Variants in FAF2 observed in about 807,000 individuals in gnomAD.
FAF2 encodes Fas associated factor family member 2, also known as FAS-associated factor 2.
In FAF2, 9 loss-of-function variants were observed where a neutral mutation model predicts 62.3. The ratio of observed to expected loss-of-function variants is 0.14; its 90% CI spans 0.09 to 0.25. The LOEUF (loss-of-function observed/expected upper bound fraction) is 0.25, where lower values mean the gene tolerates loss of function less well. FAF2 is among the 10% of genes least tolerant of loss of function. FAF2 has a pLI of 1.00. For missense variants in FAF2, 368 were observed against 556.2 expected (o/e 0.66, Z 3.40); for synonymous variants, 202 against 198.0 (o/e 1.02, Z -0.17).
intron 1 of FAF2, among the ~76,000 whole-genome samples, chr5:176,462,316 C>T (rs2113720396): frequency 6.6e-6 from 1 of 151,996 alleles, no homozygotes; most frequent in South Asian, 2.1e-4. Context: ...AAAACACATA[C>T]TATAGTGCTT....
chr5:176,465,366 C>CTTT (rs70991554), intron 1 of FAF2, among the ~76,000 whole-genome samples: 15 of 115,694 alleles, frequency 1.3e-4, no homozygotes, highest in African/African-American at 4.1e-4. Context: ...CTTTTTCTTT[C>CTTT]TTTTTTTTTT....
intron 1 of FAF2, among the ~76,000 whole-genome samples, chr5:176,475,700 G>A (rs1056234008): frequency 5.3e-5 from 8 of 151,972 alleles, no homozygotes; most frequent in Admixed American, 2.6e-4. Context: ...CCCAGGAGGC[G>A]CAGGTTGCAG....
At chr5:176,463,619 C>T (rs969926672) in intron 1 of FAF2, among the ~76,000 whole-genome samples, 3 of 151,898 alleles carry the variant, frequency 2.0e-5, no homozygotes, top group Middle Eastern at 3.4e-3. Flanking sequence ...AGGAACTAAG[C>T]ACTATTTTTA....
chr5:176,451,171 G>T (rs1758159768), intron 1 of FAF2, among the ~76,000 whole-genome samples: 1 of 152,142 alleles, frequency 6.6e-6, no homozygotes, highest in Non-Finnish European at 1.5e-5. Context: ...AGGAGTTCGA[G>T]ACCAGCCTGG....
At chr5:176,469,115 T>C (rs1472900713) in intron 1 of FAF2, among the ~76,000 whole-genome samples, 2 of 151,380 alleles carry the variant, frequency 1.3e-5, no homozygotes, top group Non-Finnish European at 2.9e-5. Flanking sequence ...CGTGGTAGCA[T>C]GTGCCTGTAA....
At position 176,486,471 on chromosome 5, in the gene FAF2, C is replaced by T. The variant is rs1480358646; in HGVS notation, c.249C>T (p.Val83=). 6.2e-7 allele frequency: 1 copy of T among 1,613,948 alleles called. No homozygotes were observed. The highest frequency in any genetic ancestry group is 1.3e-5 in the African/African-American group (1 of 74,922). ...ACCACAGGATCTACAGCTATGTTGT[C>T]TCAAGACCTCAACCAAGGGCAAGTT... ...TADHRIYSYV[V]SRPQPRGLLG... Residue 83 remains valine, a synonymous_variant, in exon 3 of 11, where the codon GTC becomes GTT. Transcript: ENST00000261942.
Position 176,448,401 on chromosome 5 carries a change from C to A in FAF2, c.-7C>A, listed in dbSNP as rs200372261. 1.1e-5 allele frequency: 17 copies of A among 1,604,444 alleles called. No individual in the cohort carries two copies. The East Asian group carries it at 3.4e-4, about 32-fold the overall frequency. On this transcript the variant is annotated 5_prime_UTR_variant, in exon 1 of 11. Transcript: ENST00000261942. ...GGACGGGTCAGGAGCGTAGAGGCGG[C>A]GGCAAAATGGCGGCGCCTGAGGAGC...
rs777915445 is a variant in FAF2, at chr5:176,507,156, C to T, written c.*206C>T. On this transcript the variant is annotated 3_prime_UTR_variant, in exon 11 of 11. Coordinates refer to ENST00000261942, the MANE Select transcript of FAF2 (RefSeq NM_014613.3). ...CCGTAAGAGTCACAACCTGTGTGTG[C>T]GCGCAAGGTTAGCAACAAACGTACC... The T allele has an allele frequency of 1.4e-5, 5 of 356,080 alleles. No individual in the cohort carries two copies. Among genetic ancestry groups the T allele is most frequent in the East Asian group, 1.5e-4 (2 of 13,328 alleles). 22.1% of individuals were successfully genotyped at this position (356,080 alleles called of 1,614,324 possible).
At chr5:176,458,296 G>A (rs966498829) in intron 1 of FAF2, among the ~76,000 whole-genome samples, 1 of 151,708 alleles carries the variant, frequency 6.6e-6, no homozygotes, top group Non-Finnish European at 1.5e-5. Context: ...TGGCCAGGCT[G>A]GTATTGAACT....
intron 1 of FAF2, among the ~76,000 whole-genome samples, chr5:176,450,697 G>A (rs1002799160): frequency 6.6e-6 from 1 of 152,130 alleles, no homozygotes; most frequent in Non-Finnish European, 1.5e-5. Context: ...GGGACTACAG[G>A]CACGCGCCAC....
chr5:176,473,583 TG>T (rs2113728647), intron 1 of FAF2, among the ~76,000 whole-genome samples: 1 of 152,350 alleles, frequency 6.6e-6, no homozygotes, highest in South Asian at 2.1e-4. Context: ...TGAAAAGTTA[TG>T]TTCTACTTCC....
At chr5:176,491,044 T>G (rs1389432983) in intron 4 of FAF2, among the ~76,000 whole-genome samples, 2 of 152,196 alleles carry the variant, frequency 1.3e-5, no homozygotes, top group Admixed American at 6.5e-5. Context: ...TAGAATTGTA[T>G]ACACAGGGGG....
Position 176,507,987 on chromosome 5 carries a change from G to C in FAF2, c.*1037G>C, listed in dbSNP as rs1755714222. 6.6e-6 allele frequency: 1 copy of C among 152,626 alleles called. No individual in the cohort carries two copies. The highest frequency in any genetic ancestry group is 2.4e-5 in the African/African-American group (1 of 41,436). The allele number at this position is 152,626 out of a possible 1,614,324, so 9.5% of individuals were successfully genotyped here. A position where few individuals can be genotyped will look rare whatever the true frequency, so the allele number is the denominator to read the frequency against. On this transcript the variant is annotated 3_prime_UTR_variant, in exon 11 of 11. Transcript: ENST00000261942. ...CCTTTCCAAAGGACTAGCAGGGCCT[G>C]TGGTGGAGCCAGCAGAACCACAGGA...
intron 3 of FAF2, among the ~76,000 whole-genome samples, chr5:176,487,978 G>C (rs1758903325): frequency 6.6e-6 from 1 of 151,976 alleles, no homozygotes; most frequent in South Asian, 2.1e-4. Context: ...GAGTAGCTGG[G>C]ATTACAGGCG....
intron 1 of FAF2, among the ~76,000 whole-genome samples, chr5:176,454,324 C>T (rs1345211151): frequency 7.9e-5 from 12 of 151,710 alleles, no homozygotes; most frequent in Admixed American, 7.9e-4. Context: ...ATTCTGGAGG[C>T]GGAGGTTGCA....
intron 9 of FAF2, 43 bp from the exon 10 acceptor site, chr5:176,499,960 A>C (rs1251348174): frequency 2.5e-6 from 4 of 1,604,776 alleles, no homozygotes; most frequent in Non-Finnish European, 3.4e-6. Flanking sequence ...CATTGTATTT[A>C]TTTCTTGAGC....
chr5:176,462,549 G>A (rs575622291), intron 1 of FAF2, among the ~76,000 whole-genome samples: 3 of 150,692 alleles, frequency 2.0e-5, no homozygotes, highest in South Asian at 2.1e-4. Flanking sequence ...ACTCGAACCC[G>A]GGAGGCGGAG....
intron 1 of FAF2, among the ~76,000 whole-genome samples, chr5:176,469,712 AG>A (rs761723230): frequency 1.3e-5 from 2 of 152,212 alleles, no homozygotes; most frequent in Non-Finnish European, 2.9e-5. Flanking sequence ...CTTTATAAAT[AG>A]TAGTGTTCAT....
chr5:176,474,406 G>A (rs1160955852), intron 1 of FAF2, among the ~76,000 whole-genome samples: 1 of 152,136 alleles, frequency 6.6e-6, no homozygotes, highest in Non-Finnish European at 1.5e-5. Flanking sequence ...AGTTCCTGTT[G>A]CCTTTAGTCT....
Sources: gnomAD v4.1 joint callset for allele counts (sites outside exome capture counted in the v4.1 genomes callset) on GRCh38, gnomAD v4.1.1 for gene constraint, MANE v1.5 for transcripts, NCBI Gene and HGNC (gene_info 2026-07-23, HGNC 2026-07-21) for gene names.